Variants in CIDEA observed in about 807,000 individuals in gnomAD.
CIDEA encodes the protein cell death inducing DFFA like effector a.
Under a neutral mutation model 18.2 loss-of-function variants are expected in CIDEA, and 10 were observed. The observed-to-expected ratio is 0.55, with a 90% CI of 0.34 to 0.93. CIDEA has a LOEUF of 0.93. Among genes scored for constraint, CIDEA ranks in the 40% least tolerant of loss-of-function variants. The pLI, the probability that CIDEA is intolerant of heterozygous loss-of-function variation, is 0.02. For synonymous variants in CIDEA, 128 were observed against 124.8 expected (o/e 1.03, Z -0.17); for missense variants, 309 against 293.1 (o/e 1.05, Z -0.40).
In CIDEA at chr18:12,270,795, T is replaced by A. The variant is rs1355174740; in HGVS notation, c.331-3298T>A. Reference sequence around the variant, plus strand: ...AAATCATTTAAAGCAAATATTGGTCTGCATGGCTTTTTGCTTGAGGAAAGT... The same window carrying A: ...AAATCATTTAAAGCAAATATTGGTCAGCATGGCTTTTTGCTTGAGGAAAGT... On this transcript the variant is annotated intron_variant, in intron 3 of 4. Transcript: ENST00000320477. Among the ~76,000 whole-genome samples the A allele has an allele frequency of 2.0e-5, 3 of 151,170 alleles. No individual in the cohort carries two copies. The East Asian group carries it at 5.8e-4, about 29-fold the overall frequency.
At chr18:12,269,395 A>G (rs1912449639) in intron 3 of CIDEA, among the ~76,000 whole-genome samples, 1 of 152,226 alleles carries the variant, frequency 6.6e-6, no homozygotes, top group African/African-American at 2.4e-5. Flanking sequence ...ATATTATGCC[A>G]GAACTCACCA....
At chr18:12,276,730 C>G (rs1905347878) in intron 4 of CIDEA, among the ~76,000 whole-genome samples, 1 of 152,214 alleles carries the variant, frequency 6.6e-6, no homozygotes, top group South Asian at 2.1e-4. Flanking sequence ...AGCAGGGCCC[C>G]TAGAACAGCC....
At chr18:12,263,903 C>T (rs1417086807) in intron 2 of CIDEA, 2 of 155,080 alleles carry the variant, frequency 1.3e-5, no homozygotes, top group African/African-American at 4.8e-5. Context: ...TTAATGTAAT[C>T]ATTACCTCAT....
chr18:12,254,858 CGGGAGCTGGGCGCGGGA>C, intron 1 of CIDEA: 1 of 1,331,640 alleles, frequency 7.5e-7, no homozygotes, highest in Non-Finnish European at 1.0e-6. Flanking sequence ...GAAATCACAA[CGGGAGCTGGGCGCGGGA>C]GGGGCCCAGG....
At chr18:12,256,071 T>A (rs1360975112) in intron 1 of CIDEA, among the ~76,000 whole-genome samples, 1 of 152,218 alleles carries the variant, frequency 6.6e-6, no homozygotes, top group Non-Finnish European at 1.5e-5. Context: ...TTCTGTGAAA[T>A]CTACCTGCTC....
Position 12,277,333 on chromosome 18 carries a change from G to A in CIDEA, c.*63G>A, listed in dbSNP as rs1328957825. ...TGTTTCGTTTGGCTCAATGACGAAT[G>A]TTGAAGATGCTTTTATGTTCTGAGC... On this transcript the variant is annotated 3_prime_UTR_variant, in exon 5 of 5. Transcript: ENST00000320477. The A allele has an allele frequency of 1.9e-6, 3 of 1,576,080 alleles. No homozygotes were observed. The highest frequency in any genetic ancestry group is 1.7e-5 in the Admixed American group (1 of 59,032).
At chr18:12,268,247 T>TTTTTTTC in intron 3 of CIDEA, among the ~76,000 whole-genome samples, 1 of 143,994 alleles carries the variant, frequency 6.9e-6, no homozygotes. Flanking sequence ...TTTTTTTTTT[T>TTTTTTTC]TTTTTCATTT....
chr18:12,268,229 CATTTTTT>C (rs1340603990), intron 3 of CIDEA, among the ~76,000 whole-genome samples: 2 of 72,998 alleles, frequency 2.7e-5, no homozygotes, highest in African/African-American at 1.0e-4. Context: ...CATGCCCGGC[CATTTTTT>C]TTTTTTTTTT....
At chr18:12,265,723 C>T (rs1029860919) in intron 3 of CIDEA, among the ~76,000 whole-genome samples, 16 of 152,124 alleles carry the variant, frequency 1.1e-4, no homozygotes, top group African/African-American at 3.9e-4. Flanking sequence ...CAGGCAGTTC[C>T]GCTTGGGATG....
At chr18:12,256,944 G>A (rs747055019) in intron 1 of CIDEA, among the ~76,000 whole-genome samples, 9 of 152,172 alleles carry the variant, frequency 5.9e-5, no homozygotes, top group Admixed American at 5.9e-4. Context: ...GAGTTTATCT[G>A]GGGGGTAGGT....
chr18:12,255,544 A>C (rs1356718924), intron 1 of CIDEA, among the ~76,000 whole-genome samples: 1 of 152,138 alleles, frequency 6.6e-6, no homozygotes, highest in Non-Finnish European at 1.5e-5. Context: ...CTTAGGCCTA[A>C]AGGTCAGGGC....
At chr18:12,274,343 C>T in intron 4 of CIDEA, 69 bp downstream of exon 4, 1 of 1,470,442 alleles carries the variant, frequency 6.8e-7, no homozygotes, top group Admixed American at 1.7e-5. Context: ...GCAGCAGTCC[C>T]CACCCTGTTC....
chr18:12,257,143 C>T (rs368322548), intron 1 of CIDEA, among the ~76,000 whole-genome samples: 7 of 152,156 alleles, frequency 4.6e-5, no homozygotes, highest in Admixed American at 3.9e-4. Context: ...TCCTTCTCTG[C>T]GTGGCTGTGC....
At chr18:12,258,218 AGGGAGAACCAGAAATG>A (rs1912091725) in intron 1 of CIDEA, among the ~76,000 whole-genome samples, 1 of 152,228 alleles carries the variant, frequency 6.6e-6, no homozygotes, top group South Asian at 2.1e-4. Flanking sequence ...AGGTGAAGGC[AGGGAGAACCAGAAATG>A]GTTGCCAGCT....
At chr18:12,260,569 A>G (rs1007147335) in intron 1 of CIDEA, among the ~76,000 whole-genome samples, 4 of 152,220 alleles carry the variant, frequency 2.6e-5, no homozygotes, top group Non-Finnish European at 5.9e-5. Flanking sequence ...TAAGTTAGAT[A>G]ATATACTATC....
At chr18:12,264,600 C>T (rs1043102854) in intron 3 of CIDEA, 147 bp downstream of exon 3, 50 of 631,556 alleles carry the variant, frequency 7.9e-5, no homozygotes, top group Non-Finnish European at 1.1e-4. Context: ...GTCACCCAGG[C>T]TGGAGTGCAG....
chr18:12,271,727 G>C (rs1912538253), intron 3 of CIDEA, among the ~76,000 whole-genome samples: 1 of 152,114 alleles, frequency 6.6e-6, no homozygotes, highest in Non-Finnish European at 1.5e-5. Flanking sequence ...CCCCCGTTTC[G>C]GCTGCGCAAC....
Position 12,277,451 on chromosome 18 carries a change from A to G in CIDEA, c.*181A>G. On this transcript the variant is annotated 3_prime_UTR_variant, in exon 5 of 5. Coordinates refer to ENST00000320477, the MANE Select transcript of CIDEA (RefSeq NM_001279.4). ...GGTACATGAAGTGGGGGCAGTGGGC[A>G]GGGTGCCCTGGGGGGGAGGCATAGA... 6 of 592,212 alleles carry G rather than the reference A, an allele frequency of 1.0e-5. No individual in the cohort carries two copies. The highest frequency in any genetic ancestry group is 2.6e-5 in the South Asian group (1 of 38,852). 36.7% of individuals were successfully genotyped at this position (592,212 alleles called of 1,614,324 possible).
intron 3 of CIDEA, among the ~76,000 whole-genome samples, chr18:12,267,094 C>T (rs375028616): frequency 2.0e-5 from 3 of 152,098 alleles, no homozygotes; most frequent in Non-Finnish European, 4.4e-5. Context: ...GCAACACACT[C>T]CTCTACTACC....
Sources: gnomAD v4.1 joint callset for allele counts (sites outside exome capture counted in the v4.1 genomes callset) on GRCh38, gnomAD v4.1.1 for gene constraint, MANE v1.5 for transcripts, NCBI Gene and HGNC (gene_info 2026-07-23, HGNC 2026-07-21) for gene names.